Variants in GAN observed in about 807,000 individuals in gnomAD.
The protein encoded by GAN is gigaxonin.
GAN carries 48 observed loss-of-function variants against 71.3 expected under a neutral mutation model. The observed-to-expected ratio is 0.67, with a 90% CI of 0.53 to 0.86. GAN has a LOEUF of 0.86. Ranked by LOEUF, GAN falls within the 40% of genes least tolerant of loss-of-function variation. The probability of loss-of-function intolerance (pLI) is 0.00; values close to 1 mark genes in which losing one functional copy is unlikely to be tolerated. For synonymous variants in GAN, 386 were observed against 276.8 expected, an observed-to-expected ratio of 1.39 and a Z score of -3.92; for missense variants, 928 against 770.1, an observed-to-expected ratio of 1.21 and a Z score of -2.43.
intron 1 of GAN, among the ~76,000 whole-genome samples, chr16:81,335,639 C>G (rs147694436): frequency 5.4e-4 from 81 of 150,364 alleles, no homozygotes; most frequent in African/African-American, 1.8e-3. Flanking sequence ...CCCAGCTACT[C>G]AGGAGGCTGA....
intron 1 of GAN, among the ~76,000 whole-genome samples, chr16:81,347,108 G>A (rs1051703165): frequency 4.6e-5 from 7 of 152,034 alleles, no homozygotes; most frequent in African/African-American, 1.2e-4. Context: ...CAGATATTTC[G>A]GTATTTTATT....
chr16:81,354,853 C>T (rs537441172), intron 3 of GAN, 98 bp downstream of exon 3: 8 of 733,586 alleles, frequency 1.1e-5, no homozygotes, highest in East Asian at 1.1e-4. Context: ...GAAAGACTTA[C>T]GATGCAGCAA....
chr16:81,316,993 G>A (rs1433244448), intron 1 of GAN, among the ~76,000 whole-genome samples: 2 of 152,098 alleles, frequency 1.3e-5, no homozygotes, highest in African/African-American at 4.8e-5. Flanking sequence ...CGAGTAGCTG[G>A]GATTACAAAC....
At chr16:81,336,595 C>G (rs570393197) in intron 1 of GAN, among the ~76,000 whole-genome samples, 3 of 151,802 alleles carry the variant, frequency 2.0e-5, no homozygotes, top group Non-Finnish European at 2.9e-5. Context: ...TCTTAATTAG[C>G]TAGGACCACA....
chr16:81,361,805 C>T (rs1309793391), intron 5 of GAN, among the ~76,000 whole-genome samples: 1 of 152,102 alleles, frequency 6.6e-6, no homozygotes, highest in African/African-American at 2.4e-5. Flanking sequence ...AGCGATCCTC[C>T]CATTTCAGCC....
intron 1 of GAN, among the ~76,000 whole-genome samples, chr16:81,323,490 T>C (rs1310216428): frequency 1.3e-5 from 2 of 152,246 alleles, no homozygotes; most frequent in African/African-American, 4.8e-5. Context: ...AGAAATGTCA[T>C]CACTGCCTTA....
At chr16:81,369,072 C>T (rs193219544) in intron 9 of GAN, among the ~76,000 whole-genome samples, 1 of 152,318 alleles carries the variant, frequency 6.6e-6, no homozygotes, top group Non-Finnish European at 1.5e-5. Context: ...TCCGTGCATT[C>T]GCTTAGCCTA....
chr16:81,369,617 A>G (rs1910971028), intron 9 of GAN, among the ~76,000 whole-genome samples: 1 of 152,102 alleles, frequency 6.6e-6, no homozygotes, highest in African/African-American at 2.4e-5. Flanking sequence ...TTTGAGACGG[A>G]GTCTCACTCT....
rs770288813 is a variant in GAN, at chr16:81,363,960, G to T, written c.1236+17G>T. ...GTCAGAAAGGTGAGGACTGCATTTT[G>T]TGATAACTAGTCTGTGTACACATTG... On this transcript the variant is annotated intron_variant, in intron 7 of 10. Coordinates refer to ENST00000648994, the MANE Select transcript of GAN (RefSeq NM_022041.4). 6.3e-6 allele frequency: 10 copies of T among 1,595,652 alleles called. No individual in the cohort carries two copies. The Admixed American group carries it at 1.7e-4, about 27-fold the overall frequency.
At position 81,315,149 on chromosome 16, in the gene GAN, C is replaced by G; in HGVS notation, c.36C>G (p.His12Gln). The change falls in exon 1 of 11, where the codon CAC becomes CAG. Residue 12 changes from histidine (H) to glutamine (Q), a missense_variant. Coordinates refer to ENST00000648994, the MANE Select transcript of GAN (RefSeq NM_022041.4). ...AEGSAVSDPQ[H>Q]AARLLRALSS... ...GCAGTGCCGTGTCTGACCCTCAGCA[C>G]GCCGCGCGTCTGCTGCGAGCGCTCA... 1 of 1,544,732 alleles carries G rather than the reference C, an allele frequency of 6.5e-7. No individual in the cohort carries two copies. The highest frequency in any genetic ancestry group is 8.7e-7 in the Non-Finnish European group (1 of 1,147,536).
chr16:81,372,895 C>T (rs1042718949), intron 9 of GAN, among the ~76,000 whole-genome samples: 2 of 152,162 alleles, frequency 1.3e-5, no homozygotes. Context: ...TTCCCTTTTC[C>T]ATTTTATTGG....
At chr16:81,330,511 A>G (rs1394034947) in intron 1 of GAN, among the ~76,000 whole-genome samples, 1 of 152,274 alleles carries the variant, frequency 6.6e-6, no homozygotes, top group Non-Finnish European at 1.5e-5. Context: ...GTGTCTGTGC[A>G]TGGATAAGTG....
At chr16:81,343,632 C>A (rs577745286) in intron 1 of GAN, among the ~76,000 whole-genome samples, 1 of 152,214 alleles carries the variant, frequency 6.6e-6, no homozygotes, top group African/African-American at 2.4e-5. Context: ...ATAATAAGAC[C>A]TATTTACGAC....
At chr16:81,359,563 A>G (rs1910604161) in intron 5 of GAN, among the ~76,000 whole-genome samples, 1 of 152,172 alleles carries the variant, frequency 6.6e-6, no homozygotes, top group Non-Finnish European at 1.5e-5. Flanking sequence ...GCAAAGTCCA[A>G]AGTTAGTCAG....
intron 1 of GAN, among the ~76,000 whole-genome samples, chr16:81,319,960 T>A (rs899599616): frequency 6.6e-6 from 1 of 152,258 alleles, no homozygotes; most frequent in Non-Finnish European, 1.5e-5. Context: ...TATAGCTTTA[T>A]TGTGTCATTT....
At chr16:81,345,643 T>G (rs1910094344) in intron 1 of GAN, among the ~76,000 whole-genome samples, 1 of 152,252 alleles carries the variant, frequency 6.6e-6, no homozygotes, top group South Asian at 2.1e-4. Context: ...ATATCTGATG[T>G]AGGTGACGGG....
chr16:81,329,867 C>G (rs996166930), intron 1 of GAN, among the ~76,000 whole-genome samples: 11 of 152,170 alleles, frequency 7.2e-5, no homozygotes, highest in African/African-American at 2.7e-4. Flanking sequence ...TCCTGAGCCC[C>G]AGACCCACTG....
chr16:81,351,469 G>T, intron 1 of GAN, 114 bp from the exon 2 acceptor site: 1 of 668,810 alleles, frequency 1.5e-6, no homozygotes, highest in Non-Finnish European at 2.7e-6. Flanking sequence ...AATTTTCTAG[G>T]TGGGGATTCA....
intron 9 of GAN, among the ~76,000 whole-genome samples, chr16:81,367,215 C>T (rs1028959886): frequency 6.6e-6 from 1 of 152,090 alleles, no homozygotes; most frequent in Admixed American, 6.6e-5. Context: ...ACTGTGGTTC[C>T]TTCTTTGCTG....
Sources: gnomAD v4.1 joint callset for allele counts (sites outside exome capture counted in the v4.1 genomes callset) on GRCh38, gnomAD v4.1.1 for gene constraint, MANE v1.5 for transcripts, NCBI Gene and HGNC (gene_info 2026-07-23, HGNC 2026-07-21) for gene names.